Variants in MTHFD1 observed in about 807,000 individuals in gnomAD.
MTHFD1 encodes the protein methylenetetrahydrofolate dehydrogenase, cyclohydrolase and formyltetrahydrofolate synthetase 1, also known as C-1-tetrahydrofolate synthase, cytoplasmic.
MTHFD1 carries 44 observed loss-of-function variants against 110.3 expected under a neutral mutation model. That is an observed-to-expected ratio of 0.40 (90% CI 0.31 to 0.51). The LOEUF is 0.51. Ranked by LOEUF, MTHFD1 falls within the 20% of genes least tolerant of loss-of-function variation. The pLI is 0.60. For synonymous variants in MTHFD1, 402 were observed against 428.8 expected (o/e 0.94, Z 0.77); for missense variants, 909 against 1,173.1 (o/e 0.77, Z 3.29).
chr14:64,394,953 G>A (rs1465338571), intron 1 of MTHFD1, among the ~76,000 whole-genome samples: 4 of 152,178 alleles, frequency 2.6e-5, no homozygotes, highest in Non-Finnish European at 4.4e-5. Context: ...ACCTAGAGCT[G>A]TTCATTGGAG....
chr14:64,459,314 G>T (rs2078525370), intron 27 of MTHFD1, among the ~76,000 whole-genome samples: 1 of 152,200 alleles, frequency 6.6e-6, no homozygotes, highest in Non-Finnish European at 1.5e-5. Flanking sequence ...CCATGCAAAT[G>T]ACCTGAAGTT....
intron 21 of MTHFD1, among the ~76,000 whole-genome samples, chr14:64,442,772 G>C (rs1468391949): frequency 6.6e-6 from 1 of 152,172 alleles, no homozygotes; most frequent in Admixed American, 6.5e-5. Flanking sequence ...AACCAAACCA[G>C]TTAGCTGAGA....
chr14:64,415,611 T>C (rs1193184595), intron 5 of MTHFD1, 28 bp from the exon 6 acceptor site: 1 of 1,612,764 alleles, frequency 6.2e-7, no homozygotes, highest in Admixed American at 1.7e-5. Flanking sequence ...TGCCTTTATT[T>C]CCTTCTTATT....
intron 1 of MTHFD1, among the ~76,000 whole-genome samples, chr14:64,393,162 G>A (rs1426286563): frequency 6.6e-6 from 1 of 152,174 alleles, no homozygotes; most frequent in Non-Finnish European, 1.5e-5. Context: ...GACTTTGGGA[G>A]GCCCAGGCAG....
intron 27 of MTHFD1, 22 bp from the exon 28 acceptor site, chr14:64,459,733 CATTT>C: frequency 6.6e-7 from 1 of 1,520,452 alleles, no homozygotes; most frequent in Non-Finnish European, 8.8e-7. Flanking sequence ...TTAGAGAAAA[CATTT>C]ATTTCTTGTT....
intron 26 of MTHFD1, among the ~76,000 whole-genome samples, chr14:64,457,834 A>G (rs1251964033): frequency 1.3e-5 from 2 of 152,182 alleles, no homozygotes; most frequent in African/African-American, 2.4e-5. Context: ...TTTATTGACA[A>G]CTATAAAATG....
intron 26 of MTHFD1, 183 bp from the exon 27 acceptor site, chr14:64,458,031 C>G (rs1056631584): frequency 6.3e-6 from 4 of 633,816 alleles, no homozygotes; most frequent in Non-Finnish European, 1.1e-5. Context: ...GCTGGAACTA[C>G]AGGCACATGC....
At chr14:64,422,582 G>A (rs1327210798) in intron 8 of MTHFD1, among the ~76,000 whole-genome samples, 2 of 152,136 alleles carry the variant, frequency 1.3e-5, no homozygotes, top group Non-Finnish European at 2.9e-5. Flanking sequence ...TTATTTGGAA[G>A]GGTTAAAAAG....
chr14:64,452,915 G>T (rs1230259849), intron 24 of MTHFD1, among the ~76,000 whole-genome samples: 1 of 151,808 alleles, frequency 6.6e-6, no homozygotes, highest in Non-Finnish European at 1.5e-5. Flanking sequence ...GAGACAGAGT[G>T]TTGCTATGTT....
At chr14:64,420,315 A>G (rs1350493373) in intron 8 of MTHFD1, among the ~76,000 whole-genome samples, 1 of 152,214 alleles carries the variant, frequency 6.6e-6, no homozygotes, top group Non-Finnish European at 1.5e-5. Context: ...AGAGGGACTC[A>G]TTCTGCCAAG....
chr14:64,439,227 C>A, intron 17 of MTHFD1, 55 bp downstream of exon 17: 1 of 1,258,968 alleles, frequency 7.9e-7, no homozygotes, highest in Non-Finnish European at 1.2e-6. Flanking sequence ...GATCTTGCTG[C>A]TTCTCTCCTC....
rs763754111 is a variant in MTHFD1, at chr14:64,446,928, C to T, written c.2179-1289C>T. On this transcript the variant is annotated intron_variant, in intron 22 of 27. Coordinates refer to ENST00000652337, the MANE Select transcript of MTHFD1 (RefSeq NM_005956.4). The stretch of plus-strand genomic sequence containing the variant: ...GCGTGATCATAGCTGCAGCCTCTAA[C>T]TCTTGGGCTTAAGCAGTCTCCCCGC... Among the ~76,000 whole-genome samples the T allele has an allele frequency of 1.3e-3, 203 of 152,102 alleles. 1 individual carries two copies. Among genetic ancestry groups the T allele is most frequent in the Admixed American group, 2.0e-3 (31 of 15,260 alleles).
chr14:64,457,066 T>C (rs1177789097), intron 26 of MTHFD1, among the ~76,000 whole-genome samples: 1 of 152,212 alleles, frequency 6.6e-6, no homozygotes, highest in African/African-American at 2.4e-5. Context: ...ATATAATTTG[T>C]AAGCATTACA....
At chr14:64,412,427 T>C in intron 3 of MTHFD1, 45 bp from the exon 4 acceptor site, 3 of 1,440,888 alleles carry the variant, frequency 2.1e-6, no homozygotes. Flanking sequence ...GTTCAATATC[T>C]CAAGTTGTCT....
At position 64,441,233 on chromosome 14, in the gene MTHFD1, C is replaced by T. The variant is rs918073580; in HGVS notation, c.1816-152C>T. On this transcript the variant is annotated intron_variant, in intron 18 of 27. Coordinates refer to ENST00000652337, the MANE Select transcript of MTHFD1 (RefSeq NM_005956.4). ...AATAATTGGCAACTTCATAGCATATCCAGAAAAAAACCATGAATGGTCCAA... is the reference window on the plus strand; with the variant it reads ...AATAATTGGCAACTTCATAGCATATTCAGAAAAAAACCATGAATGGTCCAA... 6 of 761,362 alleles carry T rather than the reference C, an allele frequency of 7.9e-6. No individual in the cohort carries two copies. In the South Asian group the frequency reaches 8.5e-5, roughly 11 times the overall value. 47.2% of individuals were successfully genotyped at this position (761,362 alleles called of 1,614,324 possible).
intron 8 of MTHFD1, among the ~76,000 whole-genome samples, chr14:64,423,313 T>C (rs558745925): frequency 1.3e-5 from 2 of 152,280 alleles, no homozygotes; most frequent in Non-Finnish European, 2.9e-5. Flanking sequence ...GTACACATTT[T>C]CTCATTTTGC....
At chr14:64,409,604 A>G (rs996459128) in intron 2 of MTHFD1, among the ~76,000 whole-genome samples, 18 of 152,144 alleles carry the variant, frequency 1.2e-4, no homozygotes, top group Non-Finnish European at 2.5e-4. Context: ...GGCAAAGAAC[A>G]TACATAGAAA....
chr14:64,427,345 C>A lies in MTHFD1; in HGVS notation c.1136C>A (p.Pro379Gln). The A allele has an allele frequency of 6.2e-7, 1 of 1,614,164 alleles. No individual in the cohort carries two copies. The highest frequency in any genetic ancestry group is 8.5e-7 in the Non-Finnish European group (1 of 1,180,036). ...TTGCTTTCGTCTTGAAGAATAACTC[C>A]AACACCCCTGGGAGAAGGGAAAAGC... is the stretch of plus-strand genomic sequence containing the variant. Reference protein sequence around the residue: ...GKYVVVTGITPTPLGEGKSTT... With the variant: ...GKYVVVTGITQTPLGEGKSTT... Residue 379 changes from proline to glutamine, a missense_variant, in exon 12 of 28, where the codon CCA (proline) becomes CAA (glutamine). Coordinates refer to ENST00000652337, the MANE Select transcript of MTHFD1 (RefSeq NM_005956.4).
At chr14:64,442,835 A>T (rs1483740181) in intron 21 of MTHFD1, among the ~76,000 whole-genome samples, 1 of 151,864 alleles carries the variant, frequency 6.6e-6, no homozygotes, top group South Asian at 2.1e-4. Flanking sequence ...GGGCCTCCAC[A>T]CCCTAGGGAG....
Sources: allele counts gnomAD v4.1 joint callset (sites outside exome capture counted in the v4.1 genomes callset), GRCh38; gene constraint gnomAD v4.1.1; transcripts MANE v1.5; gene names NCBI Gene and HGNC (gene_info 2026-07-23, HGNC 2026-07-21).